MLLT1: variants seen among roughly 807,000 people sequenced by gnomAD.
The protein encoded by MLLT1 is protein ENL.
A neutral mutation model predicts 55.1 loss-of-function variants in MLLT1; 11 were observed. The ratio of observed to expected loss-of-function variants is 0.20; its 90% CI spans 0.13 to 0.33. The LOEUF (loss-of-function observed/expected upper bound fraction) is 0.33. Ranked by LOEUF, MLLT1 falls within the 10% of genes least tolerant of loss-of-function variation. MLLT1 has a pLI of 1.00. For missense variants in MLLT1, 536 were observed against 760.6 expected, an observed-to-expected ratio of 0.70 and a Z score of 3.47; for synonymous variants, 323 against 320.1, an observed-to-expected ratio of 1.01 and a Z score of -0.10.
At chr19:6,218,835 C>G (rs1359495642) in intron 6 of MLLT1, among the ~76,000 whole-genome samples, 1 of 152,194 alleles carries the variant, frequency 6.6e-6, no homozygotes, top group Non-Finnish European at 1.5e-5. Context: ...ACATTTCTGC[C>G]AATGAGCTCA....
Position 6,212,234 on chromosome 19 carries a change from C to T in MLLT1, c.*808G>A. The T allele has an allele frequency of 9.4e-7, 1 of 1,065,940 alleles. No individual in the cohort carries two copies. The highest frequency in any genetic ancestry group is 1.1e-6 in the Non-Finnish European group (1 of 879,434). The allele number at this position is 1,065,940 out of a possible 1,614,324, so 66.0% of individuals were successfully genotyped here. On this transcript the variant is annotated 3_prime_UTR_variant, in exon 12 of 12. Transcript: ENST00000252674. ...CCCGGGCGCCCTGAGGACTCGCTGC[C>T]CTTTGTAGTGTTGGCTGACCCCCCC...
intron 6 of MLLT1, among the ~76,000 whole-genome samples, chr19:6,221,621 C>G (rs993491368): frequency 6.6e-6 from 1 of 152,206 alleles, no homozygotes; most frequent in Admixed American, 6.5e-5. Context: ...AAATAGGGAG[C>G]CGGGCACGGA....
At chr19:6,249,279 C>T (rs1038678723) in intron 3 of MLLT1, among the ~76,000 whole-genome samples, 4 of 151,950 alleles carry the variant, frequency 2.6e-5, no homozygotes, top group Admixed American at 6.5e-5. Flanking sequence ...ACTTTTTTAA[C>T]GCGGCTAAAA....
Position 6,211,880 on chromosome 19 carries a change from A to T in MLLT1, c.*1162T>A. ...GGGCTGCGGGCGCGGCACCAGCATGAATTGCGGCGGTGGAGGCCGGGGCGG... is the reference window on the plus strand; with the variant it reads ...GGGCTGCGGGCGCGGCACCAGCATGTATTGCGGCGGTGGAGGCCGGGGCGG... On this transcript the variant is annotated 3_prime_UTR_variant, in exon 12 of 12. Coordinates refer to ENST00000252674, the MANE Select transcript of MLLT1 (RefSeq NM_005934.4). This position sits in a 1 kb window ranked among gnomAD's most constrained non-coding sequence, Gnocchi z 4.6. 9.4e-7 allele frequency: 1 copy of T among 1,064,556 alleles called. No individual in the cohort carries two copies. Among genetic ancestry groups the T allele is most frequent in the African/African-American group, 1.6e-5 (1 of 61,068 alleles). The allele number at this position is 1,064,556 out of a possible 1,614,324, so 65.9% of individuals were successfully genotyped here.
Position 6,216,454 on chromosome 19 carries a change from AAGAGTCGTCCTCGTCG to A in MLLT1, c.1242_1257del (p.Asp415ArgfsTer18). ...TTGCCGGCAGCCTCCTCGCCTGACG[AAGAGTCGTCCTCGTCG>A]GACTCCTCGGACTGCAGGTCCTCCA... On this transcript the variant is annotated frameshift_variant, in exon 8 of 12. Coordinates refer to ENST00000252674, the MANE Select transcript of MLLT1 (RefSeq NM_005934.4). LOFTEE classifies it high-confidence loss of function. 6.2e-7 allele frequency: 1 copy of A among 1,610,028 alleles called. No individual in the cohort carries two copies.
chr19:6,218,133 G>A (rs2090863790), intron 6 of MLLT1, 92 bp from the exon 7 acceptor site: 6 of 1,495,020 alleles, frequency 4.0e-6, no homozygotes, highest in South Asian at 4.0e-5. Context: ...CAGCAGCTAC[G>A]CTGAGTGGGT....
rs2091385074 is a variant in MLLT1 at position 6,270,310 on chromosome 19, C to G, written c.193+269G>C. Among the ~76,000 whole-genome samples, 1 of 152,140 alleles carries G rather than the reference C, an allele frequency of 6.6e-6. No individual in the cohort carries two copies. The highest frequency in any genetic ancestry group is 1.5e-5 in the Non-Finnish European group (1 of 68,010). ...GCTGACTTCACCTGTCCCACCCATG[C>G]CAACCTGGCTGTGCTCCCTGGCTGC... On this transcript the variant is annotated intron_variant, in intron 2 of 11. Coordinates refer to ENST00000252674, the MANE Select transcript of MLLT1 (RefSeq NM_005934.4). This position sits in a 1 kb window ranked among gnomAD's most constrained non-coding sequence, Gnocchi z 7.1.
At position 6,234,906 on chromosome 19, in the gene MLLT1, A is replaced by C. The variant is rs577875921; in HGVS notation, c.277-4193T>G. ...TGTCCTGATTCAAACAAACAAACAA[A>C]AAAAAAAAACAAGACTTTAAACACT... is the stretch of plus-strand genomic sequence containing the variant. On this transcript the variant is annotated intron_variant, in intron 3 of 11. Transcript: ENST00000252674. Among the ~76,000 whole-genome samples the C allele has an allele frequency of 8.5e-5, 13 of 152,244 alleles. No homozygotes were observed. The South Asian group carries it at 2.3e-3, about 27-fold the overall frequency.
At chr19:6,233,312 G>C (rs1290256556) in intron 3 of MLLT1, among the ~76,000 whole-genome samples, 1 of 152,206 alleles carries the variant, frequency 6.6e-6, no homozygotes, top group Non-Finnish European at 1.5e-5. Flanking sequence ...GCATGGGAAG[G>C]AGCCTCCAGA....
Position 6,216,451 on chromosome 19 carries a change from A to C in MLLT1, c.1261T>G (p.Ser421Ala). ...GTCTTGCCGGCAGCCTCCTCGCCTG[A>C]CGAAGAGTCGTCCTCGTCGGACTCC... ...SEESDEDDSSSGEEAAGKTNP... is the reference protein window; with the variant it reads ...SEESDEDDSSAGEEAAGKTNP... Residue 421 changes from serine to alanine, a missense_variant, in exon 8 of 12, where the codon TCA becomes GCA. This residue lies in a region of MLLT1 where 449 missense variants were observed against 489.0 expected (regional missense o/e 0.92). Transcript: ENST00000252674. The C allele has an allele frequency of 6.2e-7, 1 of 1,609,934 alleles. No individual in the cohort carries two copies. The highest frequency in any genetic ancestry group is 8.5e-7 in the Non-Finnish European group (1 of 1,179,002).
chr19:6,214,795 C>A (rs1466086621), intron 8 of MLLT1, among the ~76,000 whole-genome samples: 1 of 152,328 alleles, frequency 6.6e-6, no homozygotes, highest in East Asian at 1.9e-4. Flanking sequence ...ACACAGCAAA[C>A]CCCAGGCCTC....
At position 6,212,064 on chromosome 19, in the gene MLLT1, AT is replaced by A; in HGVS notation, c.*977del. The A allele has an allele frequency of 9.4e-7, 1 of 1,065,904 alleles. No individual in the cohort carries two copies. Among genetic ancestry groups the A allele is most frequent in the Non-Finnish European group, 1.1e-6 (1 of 879,410 alleles). 66.0% of individuals were successfully genotyped at this position (1,065,904 alleles called of 1,614,324 possible). ...CCCGTCTTATTTGGCAAAAGCTCAT[AT>A]TTTTTTCAAAGTTTGAAGACTTGAA... is the stretch of plus-strand genomic sequence containing the variant. On this transcript the variant is annotated 3_prime_UTR_variant, in exon 12 of 12. Coordinates refer to ENST00000252674, the MANE Select transcript of MLLT1 (RefSeq NM_005934.4).
chr19:6,236,569 C>T (rs564922988), intron 3 of MLLT1, among the ~76,000 whole-genome samples: 28 of 152,282 alleles, frequency 1.8e-4, no homozygotes, highest in African/African-American at 6.7e-4. Context: ...GTAGAGGTCA[C>T]GCCCCGAAGC....
rs535275345 is a variant in MLLT1 at position 6,265,599 on chromosome 19, G to A, written c.194-3289C>T. On this transcript the variant is annotated intron_variant, in intron 2 of 11. Transcript: ENST00000252674. ...GCAGGGGAATAGCTTGAACCTGGGA[G>A]GCGGAGGTTGCAGTGAGCCAAGATC... Among the ~76,000 whole-genome samples the A allele has an allele frequency of 2.8e-4, 42 of 152,244 alleles. 1 individual carries two copies. Among genetic ancestry groups the A allele is most frequent in the Non-Finnish European group, 5.7e-4 (39 of 68,008 alleles).
At chr19:6,213,597 C>G (rs1478720523) in intron 10 of MLLT1, 129 bp downstream of exon 10, 1 of 1,047,806 alleles carries the variant, frequency 9.5e-7, no homozygotes, top group Admixed American at 1.9e-5. Context: ...GGAGGAAGGA[C>G]TGTCCCTGCT....
In MLLT1 at chr19:6,222,124, G is replaced by T; in HGVS notation, c.1107C>A (p.Ser369=). The T allele has an allele frequency of 6.6e-7, 1 of 1,511,206 alleles. No individual in the cohort carries two copies. The highest frequency in any genetic ancestry group is 8.9e-7 in the Non-Finnish European group (1 of 1,127,196). The allele number at this position is 1,511,206 out of a possible 1,614,324, so 93.6% of individuals were successfully genotyped here. Residue 369 remains serine, a synonymous_variant, in exon 6 of 12, where the codon TCC becomes TCA. Coordinates refer to ENST00000252674, the MANE Select transcript of MLLT1 (RefSeq NM_005934.4). The surrounding 1 kb of genome is among the most constrained non-coding windows in gnomAD (Gnocchi z 4.1). ...SNSEDEASFK[S]ESAQSSPSNS... Reference sequence around the variant, plus strand: ...CCTGCCCCCAGCACTCACTCACCTCGGACTTGAAGGAGGCCTCGTCCTCTG... The same window carrying T: ...CCTGCCCCCAGCACTCACTCACCTCTGACTTGAAGGAGGCCTCGTCCTCTG...
At chr19:6,275,127 T>C (rs777583285) in intron 1 of MLLT1, among the ~76,000 whole-genome samples, 9 of 152,206 alleles carry the variant, frequency 5.9e-5, no homozygotes, top group Non-Finnish European at 1.0e-4. Flanking sequence ...TGAAGGCAGG[T>C]CTTCAACAAC....
Position 6,217,717 on chromosome 19 carries a change from G to A in MLLT1, c.1198+237C>T, listed in dbSNP as rs553558507. Among the ~76,000 whole-genome samples, 6 of 152,316 alleles carry A rather than the reference G, an allele frequency of 3.9e-5. No individual in the cohort carries two copies. In the South Asian group the frequency reaches 6.2e-4, roughly 16 times the overall value. On this transcript the variant is annotated intron_variant, in intron 7 of 11. Transcript: ENST00000252674. ...CCCTCACCAGCCTGGCTCCAGGCAC[G>A]GGGTGCATGCCAACAGCCACCACAA... is the stretch of plus-strand genomic sequence containing the variant.
chr19:6,247,570 C>T lies in MLLT1; in HGVS notation c.276+14658G>A, dbSNP rs989515966. Among the ~76,000 whole-genome samples, 5 of 152,252 alleles carry T rather than the reference C, an allele frequency of 3.3e-5. No individual in the cohort carries two copies. In the East Asian group the frequency reaches 9.6e-4, roughly 29 times the overall value. On this transcript the variant is annotated intron_variant, in intron 3 of 11. Transcript: ENST00000252674. Reference sequence around the variant, plus strand: ...AAATGGAAGAGAAGGGACGGCTCTTCCTTACTGAAAAATTCCAGTTAATAA... The same window carrying T: ...AAATGGAAGAGAAGGGACGGCTCTTTCTTACTGAAAAATTCCAGTTAATAA...
Sources: gnomAD v4.1 joint callset for allele counts (sites outside exome capture counted in the v4.1 genomes callset) on GRCh38, gnomAD v4.1.1 for gene constraint, gnomAD v4.1.1 regional missense constraint, Gnocchi (gnomAD v3.1) non-coding constraint, MANE v1.5 for transcripts, NCBI Gene and HGNC (gene_info 2026-07-23, HGNC 2026-07-21) for gene names.